ARPP21: variants seen among roughly 807,000 people sequenced by gnomAD.
ARPP21 encodes cAMP regulated phosphoprotein 21.
Under a neutral mutation model 113.2 loss-of-function variants are expected in ARPP21, and 69 were observed. That is an observed-to-expected ratio of 0.61 (90% CI 0.50 to 0.74). The LOEUF (loss-of-function observed/expected upper bound fraction) is 0.74, where lower values mean the gene tolerates loss of function less well. ARPP21 is among the 30% of genes least tolerant of loss of function. The pLI is 0.00. For missense variants in ARPP21, 1,070 were observed against 1,037.4 expected (o/e 1.03, Z -0.43); for synonymous variants, 368 against 375.5 (o/e 0.98, Z 0.23).
At chr3:35,677,355 G>T (rs4678793) in intron 1 of ARPP21, among the ~76,000 whole-genome samples, 76,309 of 151,616 alleles carry the variant, frequency 0.5, 19,403 homozygotes, top group East Asian at 0.56. Flanking sequence ...CATATCATAT[G>T]TGGTGCTTTG....
intron 12 of ARPP21, chr3:35,715,707 T>C: frequency 2.9e-6 from 1 of 338,988 alleles, no homozygotes; most frequent in East Asian, 5.0e-5. Flanking sequence ...AAACTTTTTC[T>C]TATTTAAAGT....
At chr3:35,722,221 A>G (rs1196348492) in intron 14 of ARPP21, among the ~76,000 whole-genome samples, 1 of 152,204 alleles carries the variant, frequency 6.6e-6, no homozygotes, top group Non-Finnish European at 1.5e-5. Flanking sequence ...CATTACAGTA[A>G]CTACCTAGCA....
At chr3:35,733,110 C>T (rs1250382041) in intron 15 of ARPP21, among the ~76,000 whole-genome samples, 1 of 151,988 alleles carries the variant, frequency 6.6e-6, no homozygotes, top group Non-Finnish European at 1.5e-5. Flanking sequence ...GTGTTCAAAA[C>T]CAAGAGCGCA....
At chr3:35,651,636 T>G (rs1702429216) in intron 1 of ARPP21, 1 of 152,034 alleles carries the variant, frequency 6.6e-6, no homozygotes, top group South Asian at 2.1e-4. Context: ...GAAAGTTTCT[T>G]AAGCTTTCTA....
chr3:35,741,824 C>T (rs2094682283), intron 18 of ARPP21, among the ~76,000 whole-genome samples: 1 of 152,096 alleles, frequency 6.6e-6, no homozygotes, highest in Admixed American at 6.6e-5. Context: ...GTTAACCTGG[C>T]TTTCTTTCCA....
At chr3:35,775,138 C>T (rs982325478) in intron 19 of ARPP21, 7 of 152,140 alleles carry the variant, frequency 4.6e-5, no homozygotes, top group African/African-American at 1.7e-4. Context: ...AGTAGAAATT[C>T]GATGAGGGAG....
In ARPP21 at chr3:35,746,270, C is replaced by A. The variant is rs149636515; in HGVS notation, c.2137+2305C>A. Among the ~76,000 whole-genome samples the A allele has an allele frequency of 7.2e-5, 11 of 152,284 alleles. No homozygotes were observed. The East Asian group carries it at 2.1e-3, about 29-fold the overall frequency. On this transcript the variant is annotated intron_variant, in intron 19 of 20. Coordinates refer to ENST00000684406, the MANE Select transcript of ARPP21 (RefSeq NM_001385562.1). The stretch of plus-strand genomic sequence containing the variant: ...AGAGAATCACTTCTGCTAATAAAAT[C>A]CAAGTAACCAGACCACACAGTGGCT...
chr3:35,675,021 A>G (rs2077138206), intron 1 of ARPP21, among the ~76,000 whole-genome samples: 1 of 151,648 alleles, frequency 6.6e-6, no homozygotes, highest in Admixed American at 6.6e-5. Flanking sequence ...CAAAACGATT[A>G]TGTTTCCTGA....
chr3:35,764,408 G>A (rs555499851), intron 19 of ARPP21, among the ~76,000 whole-genome samples: 1 of 152,194 alleles, frequency 6.6e-6, no homozygotes, highest in African/African-American at 2.4e-5. Flanking sequence ...TACATAAAGT[G>A]TGTGGCAAAA....
chr3:35,792,307 CCAG>C (rs1359996181), intron 19 of ARPP21, 72 bp from the exon 20 acceptor site: 1 of 1,342,654 alleles, frequency 7.4e-7, no homozygotes. Context: ...GCCTTTTGAA[CCAG>C]TAGTTTTACC....
intron 1 of ARPP21, among the ~76,000 whole-genome samples, chr3:35,663,016 A>T (rs1708510284): frequency 6.6e-6 from 1 of 152,162 alleles, no homozygotes; most frequent in Non-Finnish European, 1.5e-5. Context: ...ATAACAGAGT[A>T]GGGTGACTAT....
intron 19 of ARPP21, among the ~76,000 whole-genome samples, chr3:35,752,089 G>A (rs952862091): frequency 1.8e-4 from 28 of 152,064 alleles, no homozygotes; most frequent in African/African-American, 6.5e-4. Context: ...GAGCTAATTG[G>A]GGAAGCTAAC....
intron 7 of ARPP21, 111 bp from the exon 8 acceptor site, chr3:35,689,970 G>A: frequency 1.6e-6 from 1 of 639,502 alleles, no homozygotes; most frequent in Middle Eastern, 3.4e-4. Context: ...TTAGGTATAA[G>A]TTTGTAGCAG....
At chr3:35,763,315 T>G (rs887703609) in intron 19 of ARPP21, among the ~76,000 whole-genome samples, 1 of 152,250 alleles carries the variant, frequency 6.6e-6, no homozygotes, top group South Asian at 2.1e-4. Context: ...GAAGGTGGAA[T>G]TTTTACATGG....
chr3:35,673,091 A>G (rs1369144656), intron 1 of ARPP21, among the ~76,000 whole-genome samples: 1 of 152,072 alleles, frequency 6.6e-6, no homozygotes, highest in Admixed American at 6.6e-5. Context: ...TGAATCTTGC[A>G]GAAAGAGAAT....
intron 9 of ARPP21, among the ~76,000 whole-genome samples, chr3:35,704,988 G>T (rs532567284): frequency 3.9e-5 from 6 of 152,002 alleles, no homozygotes; most frequent in South Asian, 4.1e-4. Context: ...CACATTCTGA[G>T]ATAATTTTAT....
chr3:35,760,161 CA>C lies in ARPP21; in HGVS notation c.2137+16200del, dbSNP rs537331032. On this transcript the variant is annotated intron_variant, in intron 19 of 20. Transcript: ENST00000684406. ...GCTGTAAAAACACTAAAAAGACATC[CA>C]AAAGCTTTCCTTTCTCCCCCTTGTT... Among the ~76,000 whole-genome samples, 39 of 152,158 alleles carry C rather than the reference CA, an allele frequency of 2.6e-4. No individual in the cohort carries two copies. The South Asian group carries it at 7.0e-3, about 27-fold the overall frequency.
chr3:35,645,932 G>GT (rs1050785318), intron 1 of ARPP21, among the ~76,000 whole-genome samples: 71 of 152,024 alleles, frequency 4.7e-4, no homozygotes, highest in African/African-American at 1.7e-3. Context: ...AACAAGTGAG[G>GT]TAAAAAATTT....
intron 16 of ARPP21, among the ~76,000 whole-genome samples, 185 bp from the exon 17 acceptor site, chr3:35,738,029 C>G (rs574465412): frequency 2.7e-4 from 41 of 152,298 alleles, no homozygotes; most frequent in Non-Finnish European, 5.0e-4. Flanking sequence ...TCACTAAGTG[C>G]AAATGAGCCT....
Sources: allele counts gnomAD v4.1 joint callset (sites outside exome capture counted in the v4.1 genomes callset), GRCh38; gene constraint gnomAD v4.1.1; transcripts MANE v1.5; gene names NCBI Gene and HGNC (gene_info 2026-07-23, HGNC 2026-07-21).